The following NSD2 variants were observed in gnomAD, a reference collection of about 807,000 sequenced individuals.
The protein encoded by NSD2 is histone-lysine N-methyltransferase NSD2.
NSD2 carries 12 observed loss-of-function variants against 139.0 expected under a neutral mutation model. The ratio of observed to expected loss-of-function variants is 0.09; its 90% CI spans 0.06 to 0.14. The LOEUF (loss-of-function observed/expected upper bound fraction) is 0.14. Among genes scored for constraint, NSD2 ranks in the 10% least tolerant of loss-of-function variants. The probability of loss-of-function intolerance (pLI) is 1.00; values close to 1 mark genes in which losing one functional copy is unlikely to be tolerated. For missense variants in NSD2, 1,155 were observed against 1,745.0 expected (o/e 0.66, Z 6.02); for synonymous variants, 669 against 648.7 (o/e 1.03, Z -0.48).
intron 5 of NSD2, among the ~76,000 whole-genome samples, chr4:1,921,942 G>A (rs1209461981): frequency 6.6e-6 from 1 of 151,956 alleles, no homozygotes; most frequent in African/African-American, 2.4e-5. Context: ...GAGGTTAGGA[G>A]TTCCAGACCA....
intron 1 of NSD2, among the ~76,000 whole-genome samples, chr4:1,894,645 C>T (rs956230097): frequency 6.6e-6 from 1 of 150,472 alleles, no homozygotes; most frequent in Non-Finnish European, 1.5e-5. Context: ...GCATTTTAGC[C>T]TGGGCAACAG....
rs1209470250 is a variant in NSD2 at position 1,963,504 on chromosome 4, G to A, written c.3372+2353G>A. On this transcript the variant is annotated intron_variant, in intron 18 of 21. Coordinates refer to ENST00000508803, the MANE Select transcript of NSD2 (RefSeq NM_001042424.3). ...CCCTAGGTCTGTGCCTTATGTTTTG[G>A]AGTCTAAATGTAAACTACTTATGTG... Among the ~76,000 whole-genome samples the A allele has an allele frequency of 2.6e-5, 4 of 152,196 alleles. No homozygotes were observed. In the East Asian group the frequency reaches 5.8e-4, roughly 22 times the overall value.
chr4:1,922,345 A>G (rs1334797772), intron 5 of NSD2, among the ~76,000 whole-genome samples: 3 of 152,226 alleles, frequency 2.0e-5, no homozygotes, highest in Admixed American at 2.0e-4. Flanking sequence ...ATAGAAACCA[A>G]AATGTCAGGT....
At position 1,959,486 on chromosome 4, in the gene NSD2, G is replaced by A. The variant is rs1725158950; in HGVS notation, c.3001G>A (p.Gly1001Arg). The A allele has an allele frequency of 1.2e-6, 2 of 1,613,912 alleles. No homozygotes were observed. Among genetic ancestry groups the A allele is most frequent in the Non-Finnish European group, 1.7e-6 (2 of 1,179,934 alleles). ...TTCCCTGCAGGTGAATAAGCCTTAC[G>A]GGAAAGTCCAGATCTACACAGCGGA... ...YKHIKVNKPY[G>R]KVQIYTADIS... The change falls in exon 17 of 22, where the codon GGG becomes AGG. Residue 1001 changes from glycine (G) to arginine (R), a missense_variant. Gly to Arg is a moderately radical substitution (Grantham distance 125). Transcript: ENST00000508803.
At position 1,917,717 on chromosome 4, in the gene NSD2, G is replaced by C. The variant is rs542633180; in HGVS notation, c.928-424G>C. ...CTCCACAGGTGCTGGGATTACAGGT[G>C]GGAACCACCACGCTGGCCAAGTTTT... On this transcript the variant is annotated intron_variant, in intron 4 of 21. Transcript: ENST00000508803. 6.6e-5 allele frequency among the ~76,000 whole-genome samples: 10 copies of C among 152,188 alleles called. No individual in the cohort carries two copies. In the East Asian group the frequency reaches 1.2e-3, roughly 18 times the overall value.
intron 1 of NSD2, among the ~76,000 whole-genome samples, chr4:1,875,501 A>G (rs536767625): frequency 6.6e-6 from 1 of 151,750 alleles, no homozygotes; most frequent in Admixed American, 6.6e-5. Flanking sequence ...GCTGGTCATG[A>G]ACTCCTGGGC....
At chr4:1,940,365 T>C in intron 9 of NSD2, 1 of 1,067,120 alleles carries the variant, frequency 9.4e-7, no homozygotes. Context: ...GTTCTGGACT[T>C]GCAGAGTACA....
At chr4:1,945,868 CT>C in intron 9 of NSD2, 1 of 1,061,032 alleles carries the variant, frequency 9.4e-7, no homozygotes. Context: ...GTCGTTATGA[CT>C]TTGGCAACTT....
Position 1,981,115 on chromosome 4 carries a change from T to C in NSD2, c.*2206T>C. The C allele has an allele frequency of 4.3e-6, 1 of 233,336 alleles. No homozygotes were observed. Among genetic ancestry groups the C allele is most frequent in the Non-Finnish European group, 8.5e-6 (1 of 118,056 alleles). The allele number at this position is 233,336 out of a possible 1,614,324, so 14.5% of individuals were successfully genotyped here. A position where few individuals can be genotyped will look rare whatever the true frequency, so the allele number is the denominator to read the frequency against. On this transcript the variant is annotated 3_prime_UTR_variant, in exon 22 of 22. Transcript: ENST00000508803. ...TGTGTTGGACAGTAGTGAAATCTTG[T>C]GATTTTTAATCGCTTTGATAATACT...
At chr4:1,907,604 C>G (rs1385705496) in intron 3 of NSD2, among the ~76,000 whole-genome samples, 1 of 146,426 alleles carries the variant, frequency 6.8e-6, no homozygotes, top group Non-Finnish European at 1.5e-5. Flanking sequence ...CTTGTTCTAC[C>G]TGTTGAATCT....
At chr4:1,952,809 G>A (rs538905424) in intron 11 of NSD2, 11 of 1,184,142 alleles carry the variant, frequency 9.3e-6, no homozygotes, top group African/African-American at 3.1e-5. Context: ...CTGCACAGCC[G>A]TGGCCCTTCC....
intron 5 of NSD2, among the ~76,000 whole-genome samples, chr4:1,920,402 C>T (rs191124193): frequency 1.3e-5 from 2 of 152,206 alleles, no homozygotes; most frequent in East Asian, 3.9e-4. Context: ...GAAATCATGC[C>T]GCTGCACTCC....
At chr4:1,883,665 T>C (rs1013537221) in intron 1 of NSD2, among the ~76,000 whole-genome samples, 4 of 149,316 alleles carry the variant, frequency 2.7e-5, no homozygotes, top group Non-Finnish European at 5.9e-5. Flanking sequence ...CCTCCTCCGC[T>C]CTGCTGATCC....
rs758784390 is a variant in NSD2 at position 1,953,279 on chromosome 4, G to A, written c.2138-45G>A. 8 of 1,614,146 alleles carry A rather than the reference G, an allele frequency of 5.0e-6. No individual in the cohort carries two copies. In the South Asian group the frequency reaches 8.8e-5, roughly 18 times the overall value. On this transcript the variant is annotated intron_variant, in intron 11 of 21. Transcript: ENST00000508803. ...GGCTCAGAACTGCAATTTAATTCTT[G>A]TTCTTTGCACCTCTCTCTCCACCCC...
At chr4:1,904,189 T>A in intron 2 of NSD2, 27 bp from the exon 3 acceptor site, 1 of 1,607,304 alleles carries the variant, frequency 6.2e-7, no homozygotes, top group Non-Finnish European at 8.5e-7. Context: ...GATGTGTTAG[T>A]GTTTGTCTTC....
chr4:1,901,766 C>T (rs1439460076), intron 2 of NSD2, among the ~76,000 whole-genome samples: 1 of 152,232 alleles, frequency 6.6e-6, no homozygotes, highest in Non-Finnish European at 1.5e-5. Flanking sequence ...ACTGTCTCCT[C>T]AGCCAGGTGG....
intron 1 of NSD2, among the ~76,000 whole-genome samples, chr4:1,874,943 A>T (rs1329210866): frequency 1.3e-5 from 2 of 152,046 alleles, no homozygotes; most frequent in Non-Finnish European, 2.9e-5. Flanking sequence ...CTAGCATTTT[A>T]TATTTGTCTA....
intron 9 of NSD2, chr4:1,947,795 AATTGT>A: frequency 9.5e-7 from 1 of 1,047,916 alleles, no homozygotes; most frequent in Non-Finnish European, 1.2e-6. Context: ...CAAGGTCTGT[AATTGT>A]ATTTCAAAAA....
chr4:1,891,429 A>G (rs1280042277), intron 1 of NSD2, among the ~76,000 whole-genome samples: 1 of 152,148 alleles, frequency 6.6e-6, no homozygotes, highest in Admixed American at 6.5e-5. Flanking sequence ...TGAATATCTC[A>G]CTGCTGTCCT....
Sources: gnomAD v4.1 joint callset for allele counts (sites outside exome capture counted in the v4.1 genomes callset) on GRCh38, gnomAD v4.1.1 for gene constraint, MANE v1.5 for transcripts, NCBI Gene and HGNC (gene_info 2026-07-23, HGNC 2026-07-21) for gene names.